CDYL: variants seen among roughly 807,000 people sequenced by gnomAD.
CDYL encodes chromodomain Y-like protein.
CDYL carries 8 observed loss-of-function variants against 47.3 expected under a neutral mutation model. The ratio of observed to expected loss-of-function variants is 0.17; its 90% CI spans 0.10 to 0.31. The LOEUF (loss-of-function observed/expected upper bound fraction) is 0.31, where lower values mean the gene tolerates loss of function less well. Ranked by LOEUF, CDYL falls within the 10% of genes least tolerant of loss-of-function variation. The pLI is 1.00. For missense variants in CDYL, 471 were observed against 701.4 expected, an observed-to-expected ratio of 0.67 and a Z score of 3.71; for synonymous variants, 266 against 265.0, an observed-to-expected ratio of 1.00 and a Z score of -0.04.
intron 1 of CDYL, among the ~76,000 whole-genome samples, chr6:4,828,206 T>G (rs1760032777): frequency 6.6e-6 from 1 of 151,558 alleles, no homozygotes; most frequent in Non-Finnish European, 1.5e-5. Flanking sequence ...TCAACGTTAG[T>G]TTGCTGGATA....
At chr6:4,838,000 A>G (rs1760374723) in intron 1 of CDYL, among the ~76,000 whole-genome samples, 1 of 150,750 alleles carries the variant, frequency 6.6e-6, no homozygotes, top group African/African-American at 2.4e-5. Context: ...CTCATCTCGA[A>G]CTCCTGGGCT....
chr6:4,942,972 T>A (rs1250142468), intron 4 of CDYL, among the ~76,000 whole-genome samples: 1 of 152,204 alleles, frequency 6.6e-6, no homozygotes, highest in Non-Finnish European at 1.5e-5. Flanking sequence ...CCCCAGACTG[T>A]TCAGTCCACT....
intron 4 of CDYL, 73 bp downstream of exon 4, chr6:4,937,810 G>T: frequency 8.7e-7 from 1 of 1,144,952 alleles, no homozygotes; most frequent in South Asian, 1.5e-5. Context: ...GATAGAATGG[G>T]CCTGACCAAG....
At chr6:4,895,351 GTATA>G (rs375133004) in intron 2 of CDYL, among the ~76,000 whole-genome samples, 3 of 129,452 alleles carry the variant, frequency 2.3e-5, no homozygotes, top group African/African-American at 1.3e-4. Flanking sequence ...ATGCATGTAT[GTATA>G]TATGTGCATA....
chr6:4,897,634 A>C (rs1268156187), intron 2 of CDYL, among the ~76,000 whole-genome samples: 1 of 152,162 alleles, frequency 6.6e-6, no homozygotes, highest in African/African-American at 2.4e-5. Context: ...TCAGGAGACC[A>C]GGCCAGGTGT....
chr6:4,922,546 T>C (rs1186533414), intron 2 of CDYL, among the ~76,000 whole-genome samples: 1 of 152,228 alleles, frequency 6.6e-6, no homozygotes, highest in African/African-American at 2.4e-5. Flanking sequence ...TTTCCTTGGG[T>C]GCAGCTTTAA....
intron 1 of CDYL, among the ~76,000 whole-genome samples, chr6:4,879,552 GTTTTTTTTTTTT>G (rs59685693): frequency 9.4e-6 from 1 of 106,158 alleles, no homozygotes; most frequent in Non-Finnish European, 1.8e-5. Context: ...TTTTTGTGGG[GTTTTTTTTTTTT>G]TTTTTTTTTT....
In CDYL at chr6:4,799,447, T is replaced by A. The variant is rs553364282; in HGVS notation, c.24+22640T>A. Among the ~76,000 whole-genome samples, 10 of 152,164 alleles carry A rather than the reference T, an allele frequency of 6.6e-5. No homozygotes were observed. In the East Asian group the frequency reaches 7.7e-4, roughly 12 times the overall value. On this transcript the variant is annotated intron_variant, in intron 1 of 6. Transcript: ENST00000397588. Reference sequence around the variant, plus strand: ...GTATGGTCACATAGGTCTCCCATTTTTTTTTTATTTTTTTATTTTTTAGGC... The same window carrying A: ...GTATGGTCACATAGGTCTCCCATTTATTTTTTATTTTTTTATTTTTTAGGC...
chr6:4,797,504 G>A (rs891514443), intron 1 of CDYL, among the ~76,000 whole-genome samples: 8 of 148,968 alleles, frequency 5.4e-5, no homozygotes, highest in African/African-American at 2.0e-4. Context: ...GGTTTTTAGT[G>A]TATTCACAAA....
At chr6:4,762,232 G>T (rs1179067999) in intron 3 of CDYL, among the ~76,000 whole-genome samples, 1 of 152,148 alleles carries the variant, frequency 6.6e-6, no homozygotes, top group East Asian at 1.9e-4. Context: ...AGAGACTACA[G>T]CTTAGCTTTT....
At chr6:4,830,167 C>T (rs907398134) in intron 1 of CDYL, among the ~76,000 whole-genome samples, 1 of 152,230 alleles carries the variant, frequency 6.6e-6, no homozygotes, top group Admixed American at 6.5e-5. Context: ...TAAGCACCAT[C>T]CCTGCAACTG....
intron 3 of CDYL, among the ~76,000 whole-genome samples, chr6:4,751,143 C>G (rs1247323742): frequency 1.3e-5 from 2 of 152,228 alleles, no homozygotes; most frequent in African/African-American, 4.8e-5. Context: ...GCGTGAGCCA[C>G]TGCGCCTGGC....
At chr6:4,835,307 C>G (rs1052640475) in intron 1 of CDYL, among the ~76,000 whole-genome samples, 1 of 152,200 alleles carries the variant, frequency 6.6e-6, no homozygotes, top group African/African-American at 2.4e-5. Context: ...CCCTCAGCTG[C>G]AGGTCTGTTG....
At chr6:4,891,665 C>T (rs1762045541) in intron 1 of CDYL, 48 bp from the exon 2 acceptor site, 4 of 1,469,494 alleles carry the variant, frequency 2.7e-6, no homozygotes, top group Non-Finnish European at 3.7e-6. Context: ...GCACTTTTCC[C>T]CCCAAATTTT....
intron 1 of CDYL, among the ~76,000 whole-genome samples, chr6:4,833,805 T>C (rs1760215667): frequency 6.6e-6 from 1 of 151,722 alleles, no homozygotes; most frequent in Non-Finnish European, 1.5e-5. Context: ...TCTTGTTGAA[T>C]TGATCCCTTT....
intron 1 of CDYL, among the ~76,000 whole-genome samples, chr6:4,868,721 G>T (rs9502245): frequency 6.6e-6 from 1 of 152,086 alleles, no homozygotes; most frequent in Admixed American, 6.6e-5. Flanking sequence ...TTGATAGTGG[G>T]CTATTGAAAT....
At chr6:4,848,135 T>C (rs568092214) in intron 1 of CDYL, among the ~76,000 whole-genome samples, 3 of 152,276 alleles carry the variant, frequency 2.0e-5, no homozygotes, top group East Asian at 1.9e-4. Flanking sequence ...TCTATGAAAT[T>C]AGGTAGGCTC....
At chr6:4,778,272 C>T (rs1165177835) in intron 1 of CDYL, among the ~76,000 whole-genome samples, 4 of 152,168 alleles carry the variant, frequency 2.6e-5, no homozygotes, top group African/African-American at 9.7e-5. Flanking sequence ...TGAGTGTTCA[C>T]TCTTGGCATT....
chr6:4,798,983 A>G (rs1276397045), intron 1 of CDYL, among the ~76,000 whole-genome samples: 1 of 152,062 alleles, frequency 6.6e-6, no homozygotes, highest in African/African-American at 2.4e-5. Flanking sequence ...CTTTACTTTC[A>G]GTTTAATTTG....
Sources: gnomAD v4.1 joint callset for allele counts (sites outside exome capture counted in the v4.1 genomes callset) on GRCh38, gnomAD v4.1.1 for gene constraint, MANE v1.5 for transcripts, NCBI Gene and HGNC (gene_info 2026-07-23, HGNC 2026-07-21) for gene names.